Variants in NOS1AP observed in about 807,000 individuals in gnomAD.
NOS1AP encodes carboxyl-terminal PDZ ligand of neuronal nitric oxide synthase protein.
A neutral mutation model predicts 56.2 loss-of-function variants in NOS1AP; 21 were observed. The ratio of observed to expected loss-of-function variants is 0.37; its 90% CI spans 0.26 to 0.54. The LOEUF (loss-of-function observed/expected upper bound fraction) is 0.54, where lower values mean the gene tolerates loss of function less well. Among genes scored for constraint, NOS1AP ranks in the 20% least tolerant of loss-of-function variants. The probability of loss-of-function intolerance (pLI) is 0.84; values close to 1 mark genes in which losing one functional copy is unlikely to be tolerated. For missense variants in NOS1AP, 522 were observed against 657.8 expected, an observed-to-expected ratio of 0.79 and a Z score of 2.26; for synonymous variants, 270 against 274.6, an observed-to-expected ratio of 0.98 and a Z score of 0.17.
At chr1:162,255,259 C>G (rs1280012649) in intron 2 of NOS1AP, among the ~76,000 whole-genome samples, 2 of 152,152 alleles carry the variant, frequency 1.3e-5, no homozygotes, top group Admixed American at 1.3e-4. Flanking sequence ...TTTCCACCCC[C>G]CTCACTCCAA....
intron 2 of NOS1AP, among the ~76,000 whole-genome samples, chr1:162,225,999 A>T (rs1298486020): frequency 6.6e-6 from 1 of 152,236 alleles, no homozygotes; most frequent in African/African-American, 2.4e-5. Flanking sequence ...TCAACATTCA[A>T]GGAATGTTTA....
chr1:162,181,373 A>C (rs1038209606), intron 2 of NOS1AP, among the ~76,000 whole-genome samples: 3 of 152,260 alleles, frequency 2.0e-5, no homozygotes, highest in Admixed American at 1.3e-4. Flanking sequence ...GTTATTATGT[A>C]GTGATGTTGG....
chr1:162,260,626 T>A (rs1028721782), intron 2 of NOS1AP, among the ~76,000 whole-genome samples: 1 of 152,216 alleles, frequency 6.6e-6, no homozygotes, highest in South Asian at 2.1e-4. Context: ...CCTTAACTTA[T>A]ATATCCAAAG....
intron 2 of NOS1AP, among the ~76,000 whole-genome samples, chr1:162,270,142 TG>T (rs1305694815): frequency 2.0e-5 from 3 of 152,220 alleles, no homozygotes; most frequent in Admixed American, 1.3e-4. Context: ...CCTCTAGGTA[TG>T]GGGTAGTGTT....
rs543892720 is a variant in NOS1AP, at chr1:162,326,396, G to A, written c.345-6621G>A. The stretch of plus-strand genomic sequence containing the variant: ...TAGAGGTAGAATGCTAATACCTGGG[G>A]GAATATGGCTGTGTTAGGATTCTCC... On this transcript the variant is annotated intron_variant, in intron 4 of 9. Transcript: ENST00000361897. 3.2e-4 allele frequency among the ~76,000 whole-genome samples: 48 copies of A among 152,252 alleles called. No homozygotes were observed. In the Middle Eastern group the frequency reaches 0.014, roughly 43 times the overall value.
intron 2 of NOS1AP, among the ~76,000 whole-genome samples, chr1:162,198,841 C>T (rs1651890505): frequency 6.6e-6 from 1 of 152,128 alleles, no homozygotes; most frequent in Admixed American, 6.5e-5. Flanking sequence ...ACACTGTGCA[C>T]CAGCACCACT....
At chr1:162,355,456 A>G (rs932172037) in intron 7 of NOS1AP, 103 bp downstream of exon 7, 13 of 1,426,256 alleles carry the variant, frequency 9.1e-6, no homozygotes, top group Non-Finnish European at 1.2e-5. Flanking sequence ...GAGGCACTCC[A>G]TGGCACAGTG....
rs73029301 is a variant in NOS1AP at position 162,355,480 on chromosome 1, G to A, written c.762+127G>A. On this transcript the variant is annotated intron_variant, in intron 7 of 9. Coordinates refer to ENST00000361897, the MANE Select transcript of NOS1AP (RefSeq NM_014697.3). The stretch of plus-strand genomic sequence containing the variant: ...CATGGCACAGTGGCGGTGCCAGAGC[G>A]CACTTCATTGCCTTTCAGAAGGTCT... 8.8e-3 allele frequency: 9,920 copies of A among 1,128,054 alleles called. 592 individuals carry two copies. In the African/African-American group the frequency reaches 0.13, roughly 15 times the overall value. 69.9% of individuals were successfully genotyped at this position (1,128,054 alleles called of 1,614,324 possible). A position where few individuals can be genotyped will look rare whatever the true frequency, so the allele number is the denominator to read the frequency against.
chr1:162,331,798 G>A (rs1656778439), intron 4 of NOS1AP, among the ~76,000 whole-genome samples: 1 of 152,178 alleles, frequency 6.6e-6, no homozygotes, highest in African/African-American at 2.4e-5. Context: ...CCAACTCCCT[G>A]CACCGACCCC....
At position 162,188,263 on chromosome 1, in the gene NOS1AP, T is replaced by C. The variant is rs1651506097; in HGVS notation, c.177+33787T>C. Among the ~76,000 whole-genome samples, 1 of 152,232 alleles carries C rather than the reference T, an allele frequency of 6.6e-6. No individual in the cohort carries two copies. The highest frequency in any genetic ancestry group is 1.5e-5 in the Non-Finnish European group (1 of 68,038). On this transcript the variant is annotated intron_variant, in intron 2 of 9. Coordinates refer to ENST00000361897, the MANE Select transcript of NOS1AP (RefSeq NM_014697.3). This position sits in a 1 kb window ranked among gnomAD's most constrained non-coding sequence, Gnocchi z 4.0. ...GCAAATGGTGCCCTTTGCAATCGTT[T>C]TGTAAATTATCTGTGGCCTGCTGGA... is the stretch of plus-strand genomic sequence containing the variant.
chr1:162,261,506 GAGAGAGAGAGAGAGAGAGAGAGAGAGAGA>G lies in NOS1AP; in HGVS notation c.178-25837_178-25809del, dbSNP rs1188096096. ...AGAGAGAGAGAGAGAGAGAGAGAGAGAGAGAGAGAGAGAGAGAGAGAGAGAGAGAGAGAGAGAGAGCAATGAAATGACTG... is the reference window on the plus strand; with the variant it reads ...AGAGAGAGAGAGAGAGAGAGAGAGAGGAGAGAGAGAGCAATGAAATGACTG... On this transcript the variant is annotated intron_variant, in intron 2 of 9. Transcript: ENST00000361897. Among the ~76,000 whole-genome samples the G allele has an allele frequency of 8.5e-3, 158 of 18,654 alleles. 46 individuals are homozygous for G. Among genetic ancestry groups the G allele is most frequent in the African/African-American group, 0.038 (155 of 4,122 alleles). The allele number at this position is 18,654 out of a possible 152,430, so 12.2% of individuals were successfully genotyped here.
At chr1:162,101,643 A>C (rs1333720462) in intron 1 of NOS1AP, among the ~76,000 whole-genome samples, 3 of 152,170 alleles carry the variant, frequency 2.0e-5, no homozygotes, top group Admixed American at 2.0e-4. Flanking sequence ...TTCCCCTTGA[A>C]GAGGTCCTTC....
intron 6 of NOS1AP, 101 bp from the exon 7 acceptor site, chr1:162,355,086 A>T: frequency 7.5e-7 from 1 of 1,330,294 alleles, no homozygotes; most frequent in Non-Finnish European, 1.1e-6. Context: ...AGCCAGTGGC[A>T]TCCCTAGGCT....
intron 1 of NOS1AP, among the ~76,000 whole-genome samples, chr1:162,140,650 T>C (rs1277881150): frequency 2.6e-5 from 4 of 152,204 alleles, no homozygotes; most frequent in South Asian, 4.1e-4. Context: ...TTATTTTCCT[T>C]TGGGTATATA....
intron 6 of NOS1AP, among the ~76,000 whole-genome samples, chr1:162,344,276 C>G (rs972363591): frequency 6.6e-6 from 1 of 152,100 alleles, no homozygotes; most frequent in African/African-American, 2.4e-5. Context: ...CCCCATAAAA[C>G]AAATTAGAAA....
At chr1:162,337,431 A>C (rs751801833) in intron 5 of NOS1AP, among the ~76,000 whole-genome samples, 8 of 152,212 alleles carry the variant, frequency 5.3e-5, no homozygotes, top group Non-Finnish European at 1.0e-4. Context: ...TTGCCTGGTC[A>C]AACTTACGAG....
intron 2 of NOS1AP, among the ~76,000 whole-genome samples, chr1:162,168,497 A>G (rs1170349127): frequency 6.6e-6 from 1 of 152,186 alleles, no homozygotes; most frequent in Non-Finnish European, 1.5e-5. Context: ...ACAGTTGATA[A>G]ACAGGGTCAG....
At chr1:162,169,045 T>C (rs1650640493) in intron 2 of NOS1AP, among the ~76,000 whole-genome samples, 2 of 152,062 alleles carry the variant, frequency 1.3e-5, no homozygotes, top group Admixed American at 1.3e-4. Context: ...AAATAAAGAG[T>C]CTTGCACCCT....
intron 2 of NOS1AP, among the ~76,000 whole-genome samples, chr1:162,223,151 A>G (rs1037015569): frequency 2.0e-5 from 3 of 152,198 alleles, no homozygotes; most frequent in Non-Finnish European, 4.4e-5. Flanking sequence ...GATTATTCCT[A>G]TTACATGTAA....
Sources: gnomAD v4.1 joint callset for allele counts (sites outside exome capture counted in the v4.1 genomes callset) on GRCh38, gnomAD v4.1.1 for gene constraint, Gnocchi (gnomAD v3.1) non-coding constraint, MANE v1.5 for transcripts, NCBI Gene and HGNC (gene_info 2026-07-23, HGNC 2026-07-21) for gene names.